The following CYP51A1 variants were observed in gnomAD, a reference collection of about 807,000 sequenced individuals.
The protein encoded by CYP51A1 is lanosterol 14-alpha demethylase.
In CYP51A1, 45 loss-of-function variants were observed where a neutral mutation model predicts 53.5. The observed-to-expected ratio is 0.84, with a 90% CI of 0.66 to 1.08. The LOEUF is 1.08. Ranked by LOEUF, CYP51A1 falls within the 50% of genes least tolerant of loss-of-function variation. The pLI, the probability that CYP51A1 is intolerant of heterozygous loss-of-function variation, is 0.00. For missense variants in CYP51A1, 462 were observed against 621.7 expected (o/e 0.74, Z 2.73); for synonymous variants, 181 against 217.7 (o/e 0.83, Z 1.48).
intron 7 of CYP51A1, among the ~76,000 whole-genome samples, chr7:92,119,186 A>G (rs1315966819): frequency 2.0e-5 from 3 of 152,220 alleles, no homozygotes. Flanking sequence ...TGGTGATATC[A>G]GTTGGTGCTA....
chr7:92,116,659 C>G (rs1819584208), intron 9 of CYP51A1, among the ~76,000 whole-genome samples: 1 of 152,176 alleles, frequency 6.6e-6, no homozygotes, highest in South Asian at 2.1e-4. Context: ...TTTTAAAAGA[C>G]TGCCTTTGCT....
intron 2 of CYP51A1, among the ~76,000 whole-genome samples, chr7:92,129,276 GC>G (rs1160726426): frequency 6.6e-6 from 1 of 151,770 alleles, no homozygotes; most frequent in Non-Finnish European, 1.5e-5. Context: ...TGTTTATTAT[GC>G]TTTTTTCAGT....
intron 9 of CYP51A1, among the ~76,000 whole-genome samples, chr7:92,115,548 G>A (rs150973821): frequency 2.6e-4 from 40 of 152,230 alleles, no homozygotes; most frequent in African/African-American, 6.3e-4. Flanking sequence ...GGAGGAGCAC[G>A]GTCCTGCCAA....
Position 92,129,067 on chromosome 7 carries a change from A to C in CYP51A1, c.292-11T>G, listed in dbSNP as rs186366761. 9.4e-6 allele frequency: 15 copies of C among 1,595,116 alleles called. No homozygotes were observed. In the East Asian group the frequency reaches 3.4e-4, roughly 36 times the overall value. On this transcript the variant is annotated splice_polypyrimidine_tract_variant and intron_variant, in intron 2 of 9. Coordinates refer to ENST00000003100, the MANE Select transcript of CYP51A1 (RefSeq NM_000786.4). The stretch of plus-strand genomic sequence containing the variant: ...AAATACAGGTCCATACTAAAAAGAG[A>C]AAAGTACATATAGTGATGTTACAAA...
intron 9 of CYP51A1, among the ~76,000 whole-genome samples, chr7:92,116,217 G>C (rs1007227117): frequency 4.6e-5 from 7 of 152,178 alleles, no homozygotes; most frequent in African/African-American, 1.7e-4. Context: ...GTTGCAGTGA[G>C]CTGAGAGATT....
At chr7:92,114,301 A>G (rs1180935398) in intron 9 of CYP51A1, among the ~76,000 whole-genome samples, 1 of 152,182 alleles carries the variant, frequency 6.6e-6, no homozygotes, top group African/African-American at 2.4e-5. Flanking sequence ...CCATGTAGAA[A>G]CTGACAAGCT....
chr7:92,118,454 C>T (rs1362760552), intron 8 of CYP51A1, 66 bp downstream of exon 8: 1 of 891,188 alleles, frequency 1.1e-6, no homozygotes, highest in African/African-American at 1.6e-5. Context: ...ACCACCACAC[C>T]CACCTATTTC....
At chr7:92,121,347 G>A (rs1490376951) in intron 7 of CYP51A1, among the ~76,000 whole-genome samples, 1 of 151,868 alleles carries the variant, frequency 6.6e-6, no homozygotes, top group Non-Finnish European at 1.5e-5. Context: ...CAAGTTTGGT[G>A]AGGGGGTGAA....
intron 7 of CYP51A1, among the ~76,000 whole-genome samples, chr7:92,120,701 A>G (rs1819674036): frequency 6.6e-6 from 1 of 152,236 alleles, no homozygotes. Context: ...CATCATATAC[A>G]TAAATTAATT....
chr7:92,127,356 A>C, intron 4 of CYP51A1, 149 bp downstream of exon 4: 6 of 713,050 alleles, frequency 8.4e-6, no homozygotes, highest in Non-Finnish European at 1.3e-5. Flanking sequence ...TTACAACTTC[A>C]TGGTAATCAT....
At chr7:92,115,975 A>T (rs970999791) in intron 9 of CYP51A1, among the ~76,000 whole-genome samples, 1 of 152,224 alleles carries the variant, frequency 6.6e-6, no homozygotes, top group Admixed American at 6.5e-5. Context: ...CCATCTGTTA[A>T]CAATCTGATT....
chr7:92,112,500 G>C lies in CYP51A1; in HGVS notation c.*1165C>G, dbSNP rs1819409544. ...GTTTGTTAACTGTTTTAATCAATAT[G>C]AGTAGTAACAAACATCCCTAATTGG... On this transcript the variant is annotated 3_prime_UTR_variant, in exon 10 of 10. Transcript: ENST00000003100. 6.6e-6 allele frequency: 1 copy of C among 152,148 alleles called. No homozygotes were observed. The highest frequency in any genetic ancestry group is 2.1e-4 in the South Asian group (1 of 4,830). The allele number at this position is 152,148 out of a possible 1,614,324, so 9.4% of individuals were successfully genotyped here.
intron 2 of CYP51A1, 59 bp from the exon 3 acceptor site, chr7:92,129,115 A>C: frequency 9.3e-7 from 1 of 1,071,790 alleles, no homozygotes; most frequent in Non-Finnish European, 1.3e-6. Context: ...CTACGACAGT[A>C]ACTTTTTAAA....
Position 92,123,833 on chromosome 7 carries a change from C to T in CYP51A1, c.791G>A (p.Arg264Gln), listed in dbSNP as rs567300492. 2.1e-5 allele frequency: 34 copies of T among 1,607,990 alleles called. No individual in the cohort carries two copies. Among genetic ancestry groups the T allele is most frequent in the Admixed American group, 6.8e-5 (4 of 59,218 alleles). Residue 264 changes from arginine (R) to glutamine (Q), a missense_variant, in exon 6 of 10, where the codon CGG becomes CAG. Transcript: ENST00000003100. ...PSFRRRDRAH[R>Q]EIKDIFYKAI... The stretch of plus-strand genomic sequence containing the variant: ...CTTATAGAAAATATCCTTGATTTCC[C>T]GATGAGCTCTGTCCCTGCGTCTGTA...
intron 1 of CYP51A1, among the ~76,000 whole-genome samples, chr7:92,132,102 C>T (rs750105696): frequency 5.3e-5 from 8 of 152,124 alleles, no homozygotes; most frequent in Admixed American, 5.2e-4. Flanking sequence ...ATAAGATAAA[C>T]GACCAGATAA....
In CYP51A1 at chr7:92,123,762, G is replaced by A; in HGVS notation, c.862C>T (p.Leu288Phe). Residue 288 changes from leucine to phenylalanine, a missense_variant, in exon 6 of 10, where the codon CTC becomes TTC. Leu to Phe is a conservative substitution (Grantham distance 22, BLOSUM62 0). Transcript: ENST00000003100. ...TATGTAGCATCTAGTAAAGTTTGGA[G>A]AATGTCATCAATTTTTTCTTGAGAC... ...RQSQEKIDDI[L>F]QTLLDATYKD... 1 of 1,608,346 alleles carries A rather than the reference G, an allele frequency of 6.2e-7. No homozygotes were observed. The highest frequency in any genetic ancestry group is 8.5e-7 in the Non-Finnish European group (1 of 1,178,202).
chr7:92,126,110 T>C (rs570855968), intron 5 of CYP51A1, 143 bp downstream of exon 5: 1 of 550,440 alleles, frequency 1.8e-6, no homozygotes, highest in South Asian at 4.3e-5. Flanking sequence ...CTTGAATTCT[T>C]ATAGAAGAAA....
At chr7:92,116,072 G>C (rs932483192) in intron 9 of CYP51A1, among the ~76,000 whole-genome samples, 1 of 152,204 alleles carries the variant, frequency 6.6e-6, no homozygotes, top group East Asian at 1.9e-4. Context: ...TGGAATTCGA[G>C]ACCAGCCTGG....
Position 92,128,999 on chromosome 7 carries a change from T to A in CYP51A1, c.349A>T (p.Ser117Cys). The change falls in exon 3 of 10, where the codon AGT (serine) becomes TGT (cysteine). Residue 117 changes from serine to cysteine, a missense_variant. Ser to Cys is a moderately radical substitution (Grantham distance 112). Coordinates refer to ENST00000003100, the MANE Select transcript of CYP51A1 (RefSeq NM_000786.4). ...VGKTFTYLLG[S>C]DAAALLFNSK... ...TTAAAAAGCAGTGCAGCAGCATCAC[T>A]CCCCAGAAGGTAAGTAAATGTCTTG... The A allele has an allele frequency of 6.2e-7, 1 of 1,613,798 alleles. No homozygotes were observed. Among genetic ancestry groups the A allele is most frequent in the South Asian group, 1.1e-5 (1 of 91,062 alleles).
Sources: allele counts gnomAD v4.1 joint callset (sites outside exome capture counted in the v4.1 genomes callset), GRCh38; gene constraint gnomAD v4.1.1; transcripts MANE v1.5; gene names NCBI Gene and HGNC (gene_info 2026-07-23, HGNC 2026-07-21).